Variants in TENM2 observed in about 807,000 individuals in gnomAD.
The protein encoded by TENM2 is teneurin transmembrane protein 2, also known as teneurin-2.
In TENM2, 52 loss-of-function variants were observed where a neutral mutation model predicts 245.2. The observed-to-expected ratio is 0.21, with a 90% CI of 0.17 to 0.27. The LOEUF is 0.27. TENM2 is among the 10% of genes least tolerant of loss of function. The pLI is 1.00. For missense variants in TENM2, 3,046 were observed against 3,666.8 expected, an observed-to-expected ratio of 0.83 and a Z score of 4.37; for synonymous variants, 1,363 against 1,438.9, an observed-to-expected ratio of 0.95 and a Z score of 1.19.
chr5:167,137,261 C>G, the TENM2 span, among the ~76,000 whole-genome samples: 2 of 152,156 alleles, frequency 1.3e-5, no homozygotes, highest in Middle Eastern at 3.2e-3. Flanking sequence ...CTGACCTCCT[C>G]TATCTTCTTT....
the TENM2 span, among the ~76,000 whole-genome samples, chr5:167,011,800 G>A: frequency 1.3e-5 from 2 of 152,156 alleles, no homozygotes; most frequent in African/African-American, 4.8e-5. Flanking sequence ...TCCTATCTGA[G>A]AAAGTAATGT....
At chr5:167,251,524 T>C in the TENM2 span, among the ~76,000 whole-genome samples, 1 of 152,170 alleles carries the variant, frequency 6.6e-6, no homozygotes, top group Non-Finnish European at 1.5e-5. Context: ...TCTTTTTATT[T>C]TCCTGAAGGA....
the TENM2 span, among the ~76,000 whole-genome samples, chr5:167,115,861 G>A: frequency 3.9e-5 from 6 of 152,236 alleles, 1 homozygote; most frequent in Non-Finnish European, 8.8e-5. Flanking sequence ...GAGAACTTGG[G>A]TCTATAGTAT....
intron 2 of TENM2, among the ~76,000 whole-genome samples, chr5:167,784,228 A>G (rs2150854208): frequency 6.6e-6 from 1 of 152,342 alleles, no homozygotes; most frequent in African/African-American, 2.4e-5. Context: ...TAATCTCTGC[A>G]GCTTCAGTTT....
At chr5:167,370,931 G>A (rs11739983) in intron 1 of TENM2, among the ~76,000 whole-genome samples, 46,967 of 152,016 alleles carry the variant, frequency 0.31, 8,648 homozygotes, top group African/African-American at 0.52. Flanking sequence ...ATAATTATGC[G>A]AGATGAATTA....
chr5:167,557,831 C>T (rs1773349044), intron 2 of TENM2, among the ~76,000 whole-genome samples: 1 of 152,054 alleles, frequency 6.6e-6, no homozygotes, highest in Non-Finnish European at 1.5e-5. Context: ...AATTATCTGG[C>T]CCAACATGTC....
At chr5:167,739,743 A>C (rs1453175009) in intron 2 of TENM2, among the ~76,000 whole-genome samples, 2 of 152,152 alleles carry the variant, frequency 1.3e-5, no homozygotes, top group Non-Finnish European at 2.9e-5. Flanking sequence ...AAACTGGTGA[A>C]ATCCCAACTA....
At chr5:167,594,782 G>A (rs994181794) in intron 2 of TENM2, among the ~76,000 whole-genome samples, 5 of 152,034 alleles carry the variant, frequency 3.3e-5, no homozygotes, top group African/African-American at 9.7e-5. Flanking sequence ...GTCTGTCTTC[G>A]ATCATATGTT....
At chr5:167,555,039 A>G (rs1251678521) in intron 2 of TENM2, among the ~76,000 whole-genome samples, 1 of 152,182 alleles carries the variant, frequency 6.6e-6, no homozygotes, top group East Asian at 1.9e-4. Flanking sequence ...AATGGTACCA[A>G]TTGAAGTAAA....
At chr5:167,174,486 G>A in the TENM2 span, among the ~76,000 whole-genome samples, 7 of 152,038 alleles carry the variant, frequency 4.6e-5, no homozygotes, top group Non-Finnish European at 8.8e-5. Flanking sequence ...TAGAATGAAC[G>A]CTGAAAAGTT....
At chr5:167,145,631 G>C in the TENM2 span, among the ~76,000 whole-genome samples, 10 of 152,146 alleles carry the variant, frequency 6.6e-5, no homozygotes, top group Non-Finnish European at 8.8e-5. Flanking sequence ...TATTATTAAT[G>C]TTATTATGAA....
chr5:168,010,093 C>T (rs546962235), intron 5 of TENM2, among the ~76,000 whole-genome samples: 13 of 152,298 alleles, frequency 8.5e-5, no homozygotes, highest in South Asian at 2.1e-4. Flanking sequence ...TCACATCTTA[C>T]GGAAGAATTA....
At chr5:167,877,369 A>G (rs1773514485) in intron 3 of TENM2, among the ~76,000 whole-genome samples, 1 of 152,204 alleles carries the variant, frequency 6.6e-6, no homozygotes. Context: ...GCCAGGCCTG[A>G]TATATTTAGT....
chr5:168,177,937 C>A (rs907037791), intron 13 of TENM2, among the ~76,000 whole-genome samples: 1 of 152,178 alleles, frequency 6.6e-6, no homozygotes, highest in Non-Finnish European at 1.5e-5. Flanking sequence ...GGAATGACAC[C>A]GTTTAGAAAT....
chr5:168,044,875 G>A (rs188599289), intron 5 of TENM2, among the ~76,000 whole-genome samples: 155 of 151,682 alleles, frequency 1.0e-3, no homozygotes, highest in Non-Finnish European at 1.6e-3. Context: ...CCTCCCCACC[G>A]GCCAGAGAGA....
chr5:167,234,685 T>C, the TENM2 span, among the ~76,000 whole-genome samples: 1 of 152,204 alleles, frequency 6.6e-6, no homozygotes, highest in Non-Finnish European at 1.5e-5. Context: ...AGGTCTCTGA[T>C]ACATTTCAAA....
At chr5:167,494,733 G>A (rs1166487831) in intron 2 of TENM2, among the ~76,000 whole-genome samples, 3 of 152,050 alleles carry the variant, frequency 2.0e-5, no homozygotes, top group Admixed American at 6.6e-5. Context: ...TAGAAAAATA[G>A]AATATTCTTT....
chr5:168,192,531 G>A (rs549423393), intron 14 of TENM2, among the ~76,000 whole-genome samples: 40 of 152,052 alleles, frequency 2.6e-4, no homozygotes, highest in Non-Finnish European at 5.4e-4. Context: ...TGCCATTCTT[G>A]CTTCCCAAAT....
chr5:167,776,792 C>A (rs902858433), intron 2 of TENM2, among the ~76,000 whole-genome samples: 8 of 151,768 alleles, frequency 5.3e-5, no homozygotes, highest in Non-Finnish European at 1.0e-4. Context: ...TATTTCGGTT[C>A]TTTAAAATAG....
Sources: allele counts gnomAD v4.1 joint callset (sites outside exome capture counted in the v4.1 genomes callset), GRCh38; gene constraint gnomAD v4.1.1; transcripts MANE v1.5; gene names NCBI Gene and HGNC (gene_info 2026-07-23, HGNC 2026-07-21).